The following SLC12A5 variants were observed in gnomAD, a reference collection of about 807,000 sequenced individuals.
SLC12A5 encodes the protein K-Cl cotransporter 2.
A neutral mutation model predicts 124.0 loss-of-function variants in SLC12A5; 18 were observed. The ratio of observed to expected loss-of-function variants is 0.15; its 90% CI spans 0.10 to 0.22. The LOEUF is 0.22. Among genes scored for constraint, SLC12A5 ranks in the 10% least tolerant of loss-of-function variants. SLC12A5 has a pLI of 1.00. For missense variants in SLC12A5, 867 were observed against 1,478.7 expected, an observed-to-expected ratio of 0.59 and a Z score of 6.78; for synonymous variants, 589 against 568.0, an observed-to-expected ratio of 1.04 and a Z score of -0.53.
At position 46,049,612 on chromosome 20, in the gene SLC12A5, C is replaced by T. The variant is rs374272959; in HGVS notation, c.2013-10C>T. 131 of 1,596,126 alleles carry T rather than the reference C, an allele frequency of 8.2e-5. No individual in the cohort carries two copies. Among genetic ancestry groups the T allele is most frequent in the Non-Finnish European group, 9.0e-5 (106 of 1,171,622 alleles). On this transcript the variant is annotated splice_polypyrimidine_tract_variant and intron_variant, in intron 16 of 25. Coordinates refer to ENST00000243964, the MANE Select transcript of SLC12A5 (RefSeq NM_020708.5). The stretch of plus-strand genomic sequence containing the variant: ...GGTATATGGATTATGTGACTCTGCA[C>T]ACTCTTCAGGCCACAGCTGCTGGTG...
Position 46,057,720 on chromosome 20 carries a change from C to A in SLC12A5, c.*115C>A. Reference sequence around the variant, plus strand: ...ACAGACCCTGTGCCCGTGTCCTGGCCCCTTACCCCGCTGCCTGAAGCCCGG... The same window carrying A: ...ACAGACCCTGTGCCCGTGTCCTGGCACCTTACCCCGCTGCCTGAAGCCCGG... On this transcript the variant is annotated 3_prime_UTR_variant, in exon 26 of 26. Transcript: ENST00000243964. This position sits in a 1 kb window ranked among gnomAD's most constrained non-coding sequence, Gnocchi z 7.1. 1.2e-6 allele frequency: 1 copy of A among 800,312 alleles called. No homozygotes were observed. Among genetic ancestry groups the A allele is most frequent in the South Asian group, 1.9e-5 (1 of 52,640 alleles). 49.6% of individuals were successfully genotyped at this position (800,312 alleles called of 1,614,324 possible). A position where few individuals can be genotyped will look rare whatever the true frequency, so the allele number is the denominator to read the frequency against.
At position 46,053,730 on chromosome 20, in the gene SLC12A5, G is replaced by T. The variant is rs371591823; in HGVS notation, c.2679+21G>T. ...AGATGGTGAGTCCCCAGGAGACACC[G>T]CTGGGGTTCCACCTGGCCCTCTTTC... On this transcript the variant is annotated intron_variant, in intron 20 of 25. Transcript: ENST00000243964. The surrounding 1 kb of genome is among the most constrained non-coding windows in gnomAD (Gnocchi z 4.7). 5 of 1,548,604 alleles carry T rather than the reference G, an allele frequency of 3.2e-6. No individual in the cohort carries two copies. In the East Asian group the frequency reaches 7.0e-5, roughly 22 times the overall value.
intron 5 of SLC12A5, among the ~76,000 whole-genome samples, chr20:46,036,997 T>C (rs1178190977): frequency 6.6e-6 from 1 of 151,908 alleles, no homozygotes. Context: ...CAACTCATCC[T>C]GAGACCCTCC....
chr20:46,036,778 C>T lies in SLC12A5; in HGVS notation c.464C>T (p.Thr155Met), dbSNP rs2084502373. Residue 155 changes from threonine (T) to methionine (M), a missense_variant, in exon 5 of 26, where the codon ACG (threonine) becomes ATG (methionine). Thr to Met is a moderately conservative substitution (Grantham distance 81). Coordinates refer to ENST00000243964, the MANE Select transcript of SLC12A5 (RefSeq NM_020708.5). ...LTAISMSAIA[T>M]NGVVPAGGSY... The stretch of plus-strand genomic sequence containing the variant: ...GCCATCTCCATGAGTGCAATTGCAA[C>T]GAATGGTGTTGTGCCTGGTAGGTGA... 1.9e-6 allele frequency: 3 copies of T among 1,613,888 alleles called. No homozygotes were observed. Among genetic ancestry groups the T allele is most frequent in the Non-Finnish European group, 1.7e-6 (2 of 1,179,916 alleles).
chr20:46,039,538 G>A (rs544195392), intron 6 of SLC12A5, among the ~76,000 whole-genome samples: 141 of 152,154 alleles, frequency 9.3e-4, no homozygotes, highest in Non-Finnish European at 1.5e-3. Context: ...ACTTTGGGAG[G>A]CCGAGGCAGT....
intron 11 of SLC12A5, 24 bp downstream of exon 11, chr20:46,043,957 A>G (rs767257124): frequency 6.9e-7 from 1 of 1,449,258 alleles, no homozygotes; most frequent in Non-Finnish European, 9.5e-7. Context: ...GGTTGATCCT[A>G]TTCTGGGGGA....
At chr20:46,029,630 C>T (rs1365775200) in intron 1 of SLC12A5, among the ~76,000 whole-genome samples, 1 of 152,160 alleles carries the variant, frequency 6.6e-6, no homozygotes, top group African/African-American at 2.4e-5. Context: ...ATTATCGCTG[C>T]CCACGGCTTC....
chr20:46,040,654 A>C (rs759766378), intron 7 of SLC12A5, 40 bp downstream of exon 7: 4 of 1,602,708 alleles, frequency 2.5e-6, no homozygotes, highest in Non-Finnish European at 3.4e-6. Context: ...TCGTCCTCCT[A>C]CCTCCCTGGC....
In SLC12A5 at chr20:46,049,795, GC is replaced by G. The variant is rs778874481; in HGVS notation, c.2181+6del. 4.4e-6 allele frequency: 7 copies of G among 1,584,136 alleles called. No individual in the cohort carries two copies. In the African/African-American group the frequency reaches 9.4e-5, roughly 21 times the overall value. The stretch of plus-strand genomic sequence containing the variant: ...CAGGCCCAGCGGGCAGAAGAGGTGA[GC>G]AGAGGCCCTGGTTGGGCTTGGGAAA... On this transcript the variant is annotated splice_donor_region_variant and intron_variant, in intron 17 of 25. Coordinates refer to ENST00000243964, the MANE Select transcript of SLC12A5 (RefSeq NM_020708.5).
chr20:46,044,963 C>G lies in SLC12A5; in HGVS notation c.1395-3C>G. ...CTGGCATCTCCTGTCCACATCATTC[C>G]AGGTTTGGCGAAGCTGTGAATGGCA... On this transcript the variant is annotated splice_region_variant and splice_polypyrimidine_tract_variant and intron_variant, in intron 11 of 25. Transcript: ENST00000243964. 1 of 1,614,198 alleles carries G rather than the reference C, an allele frequency of 6.2e-7. No individual in the cohort carries two copies. Among genetic ancestry groups the G allele is most frequent in the Non-Finnish European group, 8.5e-7 (1 of 1,180,020 alleles).
At chr20:46,038,417 A>T (rs1339247080) in intron 6 of SLC12A5, 1 of 152,020 alleles carries the variant, frequency 6.6e-6, no homozygotes, top group African/African-American at 2.4e-5. Flanking sequence ...CAAACTCCTG[A>T]GTTTAAAATG....
intron 9 of SLC12A5, 95 bp downstream of exon 9, chr20:46,043,418 C>T (rs1210647631): frequency 6.8e-7 from 1 of 1,472,304 alleles, no homozygotes; most frequent in Non-Finnish European, 9.3e-7. Context: ...TCCAAAAACC[C>T]CATCATGAAA....
rs1422241396 is a variant in SLC12A5, at chr20:46,057,576, G to A, written c.3322G>A (p.Gly1108Ser). 1 of 1,613,922 alleles carries A rather than the reference G, an allele frequency of 6.2e-7. No individual in the cohort carries two copies. Among genetic ancestry groups the A allele is most frequent in the South Asian group, 1.1e-5 (1 of 91,082 alleles). Residue 1108 changes from glycine (G) to serine (S), a missense_variant, in exon 26 of 26, where the codon GGC becomes AGC. Coordinates refer to ENST00000243964, the MANE Select transcript of SLC12A5 (RefSeq NM_020708.5). The surrounding 1 kb of genome is among the most constrained non-coding windows in gnomAD (Gnocchi z 7.1). ...LDRVMLVRGG[G>S]REVITIYS is the part of the protein sequence containing the mutation. ...CCGGGTGATGCTGGTCCGCGGCGGC[G>A]GCCGCGAGGTCATCACCATCTACTC...
rs2084737697 is a variant in SLC12A5 at position 46,059,850 on chromosome 20, G to A, written c.*2245G>A. 1 of 388,678 alleles carries A rather than the reference G, an allele frequency of 2.6e-6. No individual in the cohort carries two copies. The highest frequency in any genetic ancestry group is 2.1e-5 in the African/African-American group (1 of 48,450). 24.1% of individuals were successfully genotyped at this position (388,678 alleles called of 1,614,324 possible). A position where few individuals can be genotyped will look rare whatever the true frequency, so the allele number is the denominator to read the frequency against. On this transcript the variant is annotated 3_prime_UTR_variant, in exon 26 of 26. Coordinates refer to ENST00000243964, the MANE Select transcript of SLC12A5 (RefSeq NM_020708.5). Reference sequence around the variant, plus strand: ...TTGTTTTAGATGATCTATGTGCAGGGCAATGCAATGAAGTTGAAAACCCTT... The same window carrying A: ...TTGTTTTAGATGATCTATGTGCAGGACAATGCAATGAAGTTGAAAACCCTT...
At chr20:46,043,971 G>A in intron 11 of SLC12A5, 38 bp downstream of exon 11, 2 of 1,553,112 alleles carry the variant, frequency 1.3e-6, no homozygotes, top group Non-Finnish European at 1.7e-6. Flanking sequence ...TGGGGGAGGG[G>A]TGGGTATAGA....
intron 1 of SLC12A5, among the ~76,000 whole-genome samples, chr20:46,032,953 G>T (rs1045622408): frequency 6.6e-6 from 1 of 152,156 alleles, no homozygotes; most frequent in Non-Finnish European, 1.5e-5. Context: ...TGGGAGGTGG[G>T]TCTCTTATTC....
chr20:46,031,632 G>A (rs553311809), intron 1 of SLC12A5, among the ~76,000 whole-genome samples: 18 of 152,310 alleles, frequency 1.2e-4, no homozygotes, highest in Middle Eastern at 6.8e-3. Context: ...CTGACGCCCC[G>A]TCTCCCTCTC....
chr20:46,057,661 TCGCCGCGCCCCC>T lies in SLC12A5; in HGVS notation c.*63_*74del. 7.5e-7 allele frequency: 1 copy of T among 1,328,500 alleles called. No individual in the cohort carries two copies. The highest frequency in any genetic ancestry group is 1.0e-6 in the Non-Finnish European group (1 of 960,866). The allele number at this position is 1,328,500 out of a possible 1,614,324, so 82.3% of individuals were successfully genotyped here. ...CGCCCGGCCCGCGGCTCCGGAGCCC[TCGCCGCGCCCCC>T]CGCCGCTGTCACCGTTTACATACAG... is the stretch of plus-strand genomic sequence containing the variant. On this transcript the variant is annotated 3_prime_UTR_variant, in exon 26 of 26. Coordinates refer to ENST00000243964, the MANE Select transcript of SLC12A5 (RefSeq NM_020708.5). This position sits in a 1 kb window ranked among gnomAD's most constrained non-coding sequence, Gnocchi z 7.1.
Position 46,057,866 on chromosome 20 carries a change from G to A in SLC12A5, c.*261G>A. 1 of 432,606 alleles carries A rather than the reference G, an allele frequency of 2.3e-6. No homozygotes were observed. Among genetic ancestry groups the A allele is most frequent in the Non-Finnish European group, 4.1e-6 (1 of 245,422 alleles). 26.8% of individuals were successfully genotyped at this position (432,606 alleles called of 1,614,324 possible). A position where few individuals can be genotyped will look rare whatever the true frequency, so the allele number is the denominator to read the frequency against. On this transcript the variant is annotated 3_prime_UTR_variant, in exon 26 of 26. Transcript: ENST00000243964. This position sits in a 1 kb window ranked among gnomAD's most constrained non-coding sequence, Gnocchi z 7.1. ...CTTTTTCTAAGCCCGGCCTCGTCTC[G>A]CCGGAGGAGACGCTGCAATAAAGGT...
Sources: gnomAD v4.1 joint callset for allele counts (sites outside exome capture counted in the v4.1 genomes callset) on GRCh38, gnomAD v4.1.1 for gene constraint, Gnocchi (gnomAD v3.1) non-coding constraint, MANE v1.5 for transcripts, NCBI Gene and HGNC (gene_info 2026-07-23, HGNC 2026-07-21) for gene names.